The following NAV3 variants were observed in gnomAD, a reference collection of about 807,000 sequenced individuals.
NAV3 encodes pore membrane and/or filament interacting like protein 1.
Under a neutral mutation model 244.7 loss-of-function variants are expected in NAV3, and 87 were observed. The ratio of observed to expected loss-of-function variants is 0.36; its 90% CI spans 0.30 to 0.42. NAV3 has a LOEUF of 0.42. NAV3 is among the 20% of genes least tolerant of loss of function. The pLI is 1.00. For missense variants in NAV3, 2,663 were observed against 2,893.3 expected (o/e 0.92, Z 1.83); for synonymous variants, 1,126 against 1,042.2 (o/e 1.08, Z -1.55).
chr12:77,976,653 TCTTTCTTTCTTTC>T (rs1868428210), intron 5 of NAV3, among the ~76,000 whole-genome samples: 1 of 95,952 alleles, frequency 1.0e-5, no homozygotes, highest in Non-Finnish European at 2.1e-5. Context: ...ATTCTTTCTT[TCTTTCTTTCTTTC>T]TTTTTTTCTT....
chr12:78,176,033 A>G (rs1958209798), intron 25 of NAV3, among the ~76,000 whole-genome samples: 1 of 152,048 alleles, frequency 6.6e-6, no homozygotes, highest in African/African-American at 2.4e-5. Context: ...CCTAAAAGAA[A>G]TCAACCACAT....
chr12:78,140,142 C>G (rs1956544380), intron 19 of NAV3, 140 bp from the exon 20 acceptor site: 5 of 674,958 alleles, frequency 7.4e-6, no homozygotes, highest in Admixed American at 2.7e-5. Flanking sequence ...AAAATTATAG[C>G]AGGCTGGTTC....
chr12:78,064,388 T>G (rs1884708841), intron 12 of NAV3, among the ~76,000 whole-genome samples: 1 of 150,908 alleles, frequency 6.6e-6, no homozygotes, highest in Admixed American at 6.7e-5. Context: ...GAGACATCTA[T>G]CTATCTGTGT....
intron 1 of NAV3, among the ~76,000 whole-genome samples, chr12:77,918,346 C>T (rs960818968): frequency 2.6e-5 from 4 of 152,018 alleles, no homozygotes; most frequent in East Asian, 3.9e-4. Context: ...AAAGAAAAAC[C>T]GCTTGGCTGA....
chr12:78,169,961 T>G (rs560937049), intron 24 of NAV3, among the ~76,000 whole-genome samples: 1 of 151,798 alleles, frequency 6.6e-6, no homozygotes, highest in Non-Finnish European at 1.5e-5. Context: ...CACTCTTTTG[T>G]ATCCATTTGT....
At chr12:77,723,507 T>C (rs770457) in intron 2 of NAV3, among the ~76,000 whole-genome samples, 110,685 of 151,796 alleles carry the variant, frequency 0.73, 41,126 homozygotes, top group East Asian at 0.89. Flanking sequence ...AAGCCAATGA[T>C]AAACAAAATA....
At chr12:77,984,973 C>T (rs576010281) in intron 5 of NAV3, among the ~76,000 whole-genome samples, 27 of 152,224 alleles carry the variant, frequency 1.8e-4, no homozygotes, top group Admixed American at 5.2e-4. Flanking sequence ...CATGCCACCA[C>T]GTTCAGCTAA....
chr12:77,934,408 A>T (rs1677895), intron 1 of NAV3, among the ~76,000 whole-genome samples: 73,933 of 151,544 alleles, frequency 0.49, 18,824 homozygotes, highest in South Asian at 0.65. Flanking sequence ...GGAAATTATA[A>T]AAAAAAAGTA....
intron 23 of NAV3, among the ~76,000 whole-genome samples, chr12:78,164,502 A>G (rs546192104): frequency 2.0e-5 from 3 of 152,210 alleles, no homozygotes; most frequent in Admixed American, 6.6e-5. Context: ...AACTCTCCCT[A>G]ATTTACGTTA....
intron 2 of NAV3, among the ~76,000 whole-genome samples, chr12:77,723,505 G>GACGCCA: frequency 6.6e-6 from 1 of 151,952 alleles, no homozygotes; most frequent in Non-Finnish European, 1.5e-5. Flanking sequence ...AGAAGCCAAT[G>GACGCCA]ATAAACAAAA....
In NAV3 at chr12:77,958,148, C is replaced by T. The variant is rs1399090661; in HGVS notation, c.415-8081C>T. 2.6e-5 allele frequency among the ~76,000 whole-genome samples: 4 copies of T among 152,086 alleles called. No individual in the cohort carries two copies. The East Asian group carries it at 7.7e-4, about 29-fold the overall frequency. On this transcript the variant is annotated intron_variant, in intron 3 of 39. Coordinates refer to ENST00000397909, the MANE Select transcript of NAV3 (RefSeq NM_001024383.2). ...CCCAATTTGTAATTTAGCAATCAGA[C>T]ATGTTTATATTTAGCAAGTATGTAA... is the stretch of plus-strand genomic sequence containing the variant.
chr12:77,900,712 T>G (rs776834356), intron 1 of NAV3, among the ~76,000 whole-genome samples: 2 of 152,242 alleles, frequency 1.3e-5, no homozygotes, highest in Non-Finnish European at 2.9e-5. Context: ...TAATTTATGT[T>G]CCTTTGGTTA....
intron 1 of NAV3, among the ~76,000 whole-genome samples, chr12:77,926,145 CAG>C (rs1320025453): frequency 6.6e-6 from 1 of 152,134 alleles, no homozygotes; most frequent in Non-Finnish European, 1.5e-5. Context: ...ACACAGCAGG[CAG>C]AGTGTTCTCT....
At chr12:77,599,799 C>T (rs1870339686) in intron 2 of NAV3, among the ~76,000 whole-genome samples, 1 of 151,750 alleles carries the variant, frequency 6.6e-6, no homozygotes, top group Non-Finnish European at 1.5e-5. Flanking sequence ...TACTGTGAGA[C>T]ATATTTGAGA....
At chr12:77,992,280 T>A (rs1871578425) in intron 5 of NAV3, among the ~76,000 whole-genome samples, 1 of 152,152 alleles carries the variant, frequency 6.6e-6, no homozygotes, top group African/African-American at 2.4e-5. Flanking sequence ...AGAGGTATCG[T>A]GGGAAGTATT....
chr12:77,720,198 T>A (rs1592615801), intron 2 of NAV3, among the ~76,000 whole-genome samples: 1 of 151,962 alleles, frequency 6.6e-6, no homozygotes, highest in East Asian at 1.9e-4. Flanking sequence ...GGCTAATGGT[T>A]TATCAATTTT....
intron 1 of NAV3, among the ~76,000 whole-genome samples, chr12:77,929,798 A>AT (rs10602394): frequency 0.082 from 8,701 of 105,924 alleles, 389 homozygotes; most frequent in Non-Finnish European, 0.1. Context: ...ACGGCCAGCT[A>AT]TTTTTTTTTT....
intron 1 of NAV3, among the ~76,000 whole-genome samples, chr12:77,939,682 T>G (rs113900239): frequency 1.3e-5 from 2 of 152,332 alleles, no homozygotes; most frequent in African/African-American, 2.4e-5. Context: ...ATTGTCAATT[T>G]TGTGCCTTAT....
At chr12:77,805,829 T>G (rs560072679) in intron 2 of NAV3, among the ~76,000 whole-genome samples, 1 of 152,336 alleles carries the variant, frequency 6.6e-6, no homozygotes, top group South Asian at 2.1e-4. Context: ...TATTAATTAC[T>G]GCCTCAATTT....
Sources: gnomAD v4.1 joint callset for allele counts (sites outside exome capture counted in the v4.1 genomes callset) on GRCh38, gnomAD v4.1.1 for gene constraint, MANE v1.5 for transcripts, NCBI Gene and HGNC (gene_info 2026-07-23, HGNC 2026-07-21) for gene names.